MTUS2: variants seen among roughly 807,000 people sequenced by gnomAD.
MTUS2 encodes the protein microtubule-associated tumor suppressor candidate 2.
Under a neutral mutation model 114.1 loss-of-function variants are expected in MTUS2, and 40 were observed. The ratio of observed to expected loss-of-function variants is 0.35; its 90% CI spans 0.27 to 0.46. The LOEUF is 0.46. Among genes scored for constraint, MTUS2 ranks in the 20% least tolerant of loss-of-function variants. MTUS2 has a pLI of 1.00. For missense variants in MTUS2, 1,679 were observed against 1,705.4 expected, an observed-to-expected ratio of 0.98 and a Z score of 0.27; for synonymous variants, 688 against 672.0, an observed-to-expected ratio of 1.02 and a Z score of -0.37.
intron 8 of MTUS2, among the ~76,000 whole-genome samples, chr13:29,390,759 A>G (rs752188722): frequency 4.3e-5 from 4 of 93,564 alleles, no homozygotes; most frequent in African/African-American, 1.1e-4. Context: ...CCAAATGGTG[A>G]TGATGATGAT....
At chr13:29,472,432 C>T (rs141473619) in intron 9 of MTUS2, among the ~76,000 whole-genome samples, 4 of 152,284 alleles carry the variant, frequency 2.6e-5, no homozygotes, top group East Asian at 3.9e-4. Flanking sequence ...GTAGTGTGTC[C>T]GGGATCCCAG....
chr13:28,934,226 T>C (rs1881772276), intron 2 of MTUS2, among the ~76,000 whole-genome samples: 1 of 152,194 alleles, frequency 6.6e-6, no homozygotes, highest in South Asian at 2.1e-4. Flanking sequence ...ATGGTGGAGA[T>C]ATTGATTAGT....
At chr13:29,437,528 A>C (rs1877501942) in intron 8 of MTUS2, among the ~76,000 whole-genome samples, 1 of 152,248 alleles carries the variant, frequency 6.6e-6, no homozygotes, top group South Asian at 2.1e-4. Context: ...TACTGCTGTT[A>C]GAATGAGTAT....
intron 5 of MTUS2, among the ~76,000 whole-genome samples, chr13:29,253,143 C>T (rs188349691): frequency 5.9e-5 from 9 of 151,724 alleles, no homozygotes; most frequent in East Asian, 3.9e-4. Flanking sequence ...ATCACATCCC[C>T]GGCTGGTCAC....
At chr13:29,046,867 C>T (rs1428182213) in intron 4 of MTUS2, among the ~76,000 whole-genome samples, 2 of 152,186 alleles carry the variant, frequency 1.3e-5, no homozygotes, top group Admixed American at 1.3e-4. Context: ...CTTCCCCTTT[C>T]CTCTCCACTT....
At chr13:29,342,656 C>G (rs1237458404) in intron 7 of MTUS2, among the ~76,000 whole-genome samples, 2 of 152,060 alleles carry the variant, frequency 1.3e-5, no homozygotes, top group Non-Finnish European at 2.9e-5. Context: ...TTATTTCTTT[C>G]TCTTGTCTGA....
chr13:29,499,180 G>T (rs1882736155), intron 14 of MTUS2, among the ~76,000 whole-genome samples: 1 of 152,208 alleles, frequency 6.6e-6, no homozygotes, highest in South Asian at 2.1e-4. Context: ...GTCCAGAACA[G>T]AGTCCTAGCT....
chr13:29,001,390 A>G (rs533885391), intron 2 of MTUS2, among the ~76,000 whole-genome samples: 57 of 152,234 alleles, frequency 3.7e-4, no homozygotes, highest in African/African-American at 1.3e-3. Context: ...TGCTGGATCT[A>G]TTTTTAAAAA....
intron 2 of MTUS2, among the ~76,000 whole-genome samples, chr13:28,971,741 A>T (rs1242991026): frequency 2.0e-5 from 3 of 152,208 alleles, no homozygotes; most frequent in Non-Finnish European, 2.9e-5. Context: ...CTTCTCATAT[A>T]AACATGTGAG....
In MTUS2 at chr13:29,393,280, C is replaced by T. The variant is rs532256046; in HGVS notation, c.3117+33807C>T. On this transcript the variant is annotated intron_variant, in intron 8 of 15. Coordinates refer to ENST00000612955, the MANE Select transcript of MTUS2 (RefSeq NM_001033602.4). ...GAAGTAGCACAGTGAGTCCAGACACCACATGCCATTTGTTTTTCCTTCTCT... is the reference window on the plus strand; with the variant it reads ...GAAGTAGCACAGTGAGTCCAGACACTACATGCCATTTGTTTTTCCTTCTCT... 1.8e-4 allele frequency among the ~76,000 whole-genome samples: 27 copies of T among 152,306 alleles called. 1 individual carries two copies. In the South Asian group the frequency reaches 5.4e-3, roughly 30 times the overall value.
At chr13:29,389,388 CGTGTGTGT>C (rs1566172769) in intron 8 of MTUS2, among the ~76,000 whole-genome samples, 3 of 13,880 alleles carry the variant, frequency 2.2e-4, no homozygotes, top group Admixed American at 1.3e-3. Context: ...TATGTATACA[CGTGTGTGT>C]ATATATGTAT....
chr13:28,832,062 C>T (rs768366338), intron 1 of MTUS2, among the ~76,000 whole-genome samples: 25 of 152,132 alleles, frequency 1.6e-4, no homozygotes, highest in Non-Finnish European at 2.8e-4. Context: ...CTGTGCCTGG[C>T]ATCAATACCT....
Position 29,331,901 on chromosome 13 carries a change from G to A in MTUS2, c.2905+7190G>A, listed in dbSNP as rs144604892. ...TGTTGAACCAGCTTTGCATCCTAGG[G>A]ATAAAGCCGAGTTGATCATGGTGGA... is the stretch of plus-strand genomic sequence containing the variant. On this transcript the variant is annotated intron_variant, in intron 7 of 15. Transcript: ENST00000612955. 4.8e-4 allele frequency among the ~76,000 whole-genome samples: 73 copies of A among 152,276 alleles called. 1 individual carries two copies. The highest frequency in any genetic ancestry group is 1.7e-3 in the African/African-American group (71 of 41,548).
At chr13:29,277,089 G>T (rs1898094964) in intron 5 of MTUS2, among the ~76,000 whole-genome samples, 1 of 152,066 alleles carries the variant, frequency 6.6e-6, no homozygotes, top group Non-Finnish European at 1.5e-5. Context: ...CTAAACAGAG[G>T]TATTGACAGT....
intron 2 of MTUS2, among the ~76,000 whole-genome samples, chr13:28,937,290 C>G (rs1881954078): frequency 6.6e-6 from 1 of 150,752 alleles, no homozygotes; most frequent in Non-Finnish European, 1.5e-5. Context: ...TAAGATGGAC[C>G]AGTAAGCACT....
intron 2 of MTUS2, among the ~76,000 whole-genome samples, chr13:28,935,006 G>GT (rs775863792): frequency 0.054 from 2,241 of 41,432 alleles, 707 homozygotes; most frequent in African/African-American, 0.07. Context: ...TCTCCATAGC[G>GT]TTTTTTTTTT....
chr13:28,886,778 G>A (rs935900099), intron 2 of MTUS2, among the ~76,000 whole-genome samples: 3 of 152,202 alleles, frequency 2.0e-5, no homozygotes, highest in East Asian at 3.8e-4. Flanking sequence ...AGTACACGAC[G>A]TTTATGGATG....
chr13:29,177,349 C>T (rs1239774523), intron 5 of MTUS2, among the ~76,000 whole-genome samples: 1 of 150,302 alleles, frequency 6.7e-6, no homozygotes. Flanking sequence ...AAAATGGGTT[C>T]ATAAAAAATA....
chr13:29,360,395 C>T (rs550799593), intron 8 of MTUS2, among the ~76,000 whole-genome samples: 1 of 152,288 alleles, frequency 6.6e-6, no homozygotes, highest in Admixed American at 6.5e-5. Context: ...TTATGACATC[C>T]TTCACCTTCC....
Sources: allele counts gnomAD v4.1 joint callset (sites outside exome capture counted in the v4.1 genomes callset), GRCh38; gene constraint gnomAD v4.1.1; transcripts MANE v1.5; gene names NCBI Gene and HGNC (gene_info 2026-07-23, HGNC 2026-07-21).